Variants in STK17A observed in about 807,000 individuals in gnomAD.
STK17A encodes serine/threonine kinase 17a.
A neutral mutation model predicts 43.7 loss-of-function variants in STK17A; 26 were observed. The observed-to-expected ratio is 0.60, with a 90% CI of 0.44 to 0.83. The LOEUF (loss-of-function observed/expected upper bound fraction) is 0.83, where lower values mean the gene tolerates loss of function less well. Ranked by LOEUF, STK17A falls within the 40% of genes least tolerant of loss-of-function variation. The pLI is 0.00. For synonymous variants in STK17A, 191 were observed against 182.5 expected (o/e 1.05, Z -0.38); for missense variants, 476 against 511.6 (o/e 0.93, Z 0.67).
rs1018211583 is a variant in STK17A at position 43,626,386 on chromosome 7, G to A, written c.*1544G>A. ...TGTGTGAACCTGTCAAAGCACCTGGGAGTGCCCTTTACACCATTAGGTGAA... is the reference window on the plus strand; with the variant it reads ...TGTGTGAACCTGTCAAAGCACCTGGAAGTGCCCTTTACACCATTAGGTGAA... On this transcript the variant is annotated 3_prime_UTR_variant, in exon 7 of 7. Coordinates refer to ENST00000319357, the MANE Select transcript of STK17A (RefSeq NM_004760.3). The A allele has an allele frequency of 1.3e-5, 2 of 152,208 alleles. No homozygotes were observed. The highest frequency in any genetic ancestry group is 2.9e-5 in the Non-Finnish European group (2 of 68,044). 9.4% of individuals were successfully genotyped at this position (152,208 alleles called of 1,614,324 possible). A position where few individuals can be genotyped will look rare whatever the true frequency, so the allele number is the denominator to read the frequency against.
intron 4 of STK17A, among the ~76,000 whole-genome samples, chr7:43,620,094 A>T (rs573090447): frequency 3.1e-4 from 47 of 152,362 alleles, no homozygotes; most frequent in African/African-American, 1.1e-3. Flanking sequence ...GGAATTGCCA[A>T]GTCTGAGGCT....
At chr7:43,587,684 T>C (rs2082453015) in intron 1 of STK17A, among the ~76,000 whole-genome samples, 1 of 151,614 alleles carries the variant, frequency 6.6e-6, no homozygotes, top group Admixed American at 6.6e-5. Flanking sequence ...TATTAAGTAA[T>C]ATCCATGCAG....
In STK17A at chr7:43,627,009, C is replaced by T. The variant is rs1402032909; in HGVS notation, c.*2167C>T. On this transcript the variant is annotated 3_prime_UTR_variant, in exon 7 of 7. Coordinates refer to ENST00000319357, the MANE Select transcript of STK17A (RefSeq NM_004760.3). ...TAGGCCAAATAAAATCTATTAATAACTGCCAGCTAGCTCTACACTTATCTA... is the reference window on the plus strand; with the variant it reads ...TAGGCCAAATAAAATCTATTAATAATTGCCAGCTAGCTCTACACTTATCTA... Among the ~76,000 whole-genome samples the T allele has an allele frequency of 6.6e-6, 1 of 152,112 alleles. No individual in the cohort carries two copies. The highest frequency in any genetic ancestry group is 2.4e-5 in the African/African-American group (1 of 41,420).
chr7:43,602,090 A>G (rs888082826), intron 2 of STK17A, among the ~76,000 whole-genome samples: 2 of 152,112 alleles, frequency 1.3e-5, no homozygotes, highest in African/African-American at 2.4e-5. Flanking sequence ...CTGCTGTTCA[A>G]TGGAAGAGAT....
intron 2 of STK17A, among the ~76,000 whole-genome samples, chr7:43,604,493 A>G (rs1347287730): frequency 6.6e-6 from 1 of 151,730 alleles, no homozygotes; most frequent in Non-Finnish European, 1.5e-5. Flanking sequence ...ACCTCACCCT[A>G]CATTCTTGGC....
At chr7:43,607,692 T>C (rs1357468456) in intron 2 of STK17A, among the ~76,000 whole-genome samples, 1 of 149,266 alleles carries the variant, frequency 6.7e-6, no homozygotes, top group East Asian at 1.9e-4. Flanking sequence ...AACTTTATAG[T>C]GTAAAGAGAC....
chr7:43,599,368 A>T (rs1396610155), intron 2 of STK17A, among the ~76,000 whole-genome samples: 1 of 152,194 alleles, frequency 6.6e-6, no homozygotes, highest in African/African-American at 2.4e-5. Context: ...AGTGGTTGTG[A>T]TCTACAAATT....
chr7:43,606,526 C>A (rs941578766), intron 2 of STK17A, among the ~76,000 whole-genome samples: 1 of 152,032 alleles, frequency 6.6e-6, no homozygotes, highest in African/African-American at 2.4e-5. Flanking sequence ...AGTTTTTGTA[C>A]AAAACTTTTT....
intron 2 of STK17A, among the ~76,000 whole-genome samples, chr7:43,603,859 T>C (rs992796867): frequency 1.3e-5 from 2 of 151,998 alleles, no homozygotes. Context: ...CTTCAGGCTA[T>C]GTATGTAAGT....
intron 2 of STK17A, among the ~76,000 whole-genome samples, chr7:43,600,572 T>C (rs2082548340): frequency 6.6e-6 from 1 of 152,234 alleles, no homozygotes; most frequent in Non-Finnish European, 1.5e-5. Context: ...ATTTTTATAA[T>C]GTAAATTTTA....
At chr7:43,622,588 A>G (rs1297079221) in intron 4 of STK17A, 2 of 151,636 alleles carry the variant, frequency 1.3e-5, no homozygotes, top group East Asian at 1.9e-4. Context: ...TTGTGAGTAG[A>G]TTTTTTTAAG....
rs1396445709 is a variant in STK17A, at chr7:43,626,946, A to G, written c.*2104A>G. Among the ~76,000 whole-genome samples the G allele has an allele frequency of 1.3e-5, 2 of 152,132 alleles. No homozygotes were observed. The highest frequency in any genetic ancestry group is 2.4e-5 in the African/African-American group (1 of 41,426). On this transcript the variant is annotated 3_prime_UTR_variant, in exon 7 of 7. Coordinates refer to ENST00000319357, the MANE Select transcript of STK17A (RefSeq NM_004760.3). ...AAGGTGTATTGGCATTTTTTGGTTT[A>G]TAAGATAAAAACAGGGCATGAAGAG... is the stretch of plus-strand genomic sequence containing the variant.
At chr7:43,619,285 T>C (rs1045630266) in intron 3 of STK17A, among the ~76,000 whole-genome samples, 1 of 152,068 alleles carries the variant, frequency 6.6e-6, no homozygotes, top group Non-Finnish European at 1.5e-5. Flanking sequence ...TTTGAGGGAA[T>C]AGTAGGAGCA....
chr7:43,587,273 G>A (rs2082450338), intron 1 of STK17A, among the ~76,000 whole-genome samples: 1 of 147,354 alleles, frequency 6.8e-6, no homozygotes, highest in African/African-American at 2.5e-5. Context: ...TCCTGCCTCA[G>A]CCTCCCGAGT....
chr7:43,597,040 A>G (rs1275973680), intron 2 of STK17A, among the ~76,000 whole-genome samples: 6 of 152,154 alleles, frequency 3.9e-5, no homozygotes, highest in Non-Finnish European at 8.8e-5. Flanking sequence ...AAGACTTAAT[A>G]CATCAATAAA....
intron 1 of STK17A, among the ~76,000 whole-genome samples, chr7:43,590,793 A>T (rs2082474363): frequency 6.6e-6 from 1 of 151,446 alleles, no homozygotes; most frequent in Admixed American, 6.6e-5. Flanking sequence ...TGTTTTGTAG[A>T]GGACTCAATA....
chr7:43,603,862 A>G (rs1297301075), intron 2 of STK17A, among the ~76,000 whole-genome samples: 1 of 152,216 alleles, frequency 6.6e-6, no homozygotes, highest in Non-Finnish European at 1.5e-5. Context: ...CAGGCTATGT[A>G]TGTAAGTTGC....
intron 3 of STK17A, among the ~76,000 whole-genome samples, chr7:43,613,647 A>G (rs1285769120): frequency 6.6e-6 from 1 of 152,110 alleles, no homozygotes; most frequent in Non-Finnish European, 1.5e-5. Context: ...GTTTGAGACC[A>G]GCCCAGGCAA....
intron 3 of STK17A, among the ~76,000 whole-genome samples, chr7:43,613,038 G>T (rs551805844): frequency 2.2e-4 from 34 of 152,320 alleles, no homozygotes; most frequent in African/African-American, 7.0e-4. Flanking sequence ...TAGTCATTCA[G>T]TACAGCGGCC....
Sources: gnomAD v4.1 joint callset for allele counts (sites outside exome capture counted in the v4.1 genomes callset) on GRCh38, gnomAD v4.1.1 for gene constraint, MANE v1.5 for transcripts, NCBI Gene and HGNC (gene_info 2026-07-23, HGNC 2026-07-21) for gene names.